The following HSPB1 variants were observed in gnomAD, a reference collection of about 807,000 sequenced individuals.
HSPB1 encodes heat shock protein beta-1.
Under a neutral mutation model 17.0 loss-of-function variants are expected in HSPB1, and 19 were observed. The observed-to-expected ratio is 1.12, with a 90% CI of 0.78 to 1.64. The LOEUF is 1.64. Ranked by LOEUF, HSPB1 falls within the 40% of genes most tolerant of loss-of-function variation. The pLI is 0.00. For missense variants in HSPB1, 348 were observed against 289.2 expected (o/e 1.20, Z -1.47); for synonymous variants, 165 against 129.8 (o/e 1.27, Z -1.84).
chr7:76,303,976 A>G lies in HSPB1; in HGVS notation c.429-8A>G. The G allele has an allele frequency of 6.2e-7, 1 of 1,613,540 alleles. No individual in the cohort carries two copies. Among genetic ancestry groups the G allele is most frequent in the Non-Finnish European group, 8.5e-7 (1 of 1,179,942 alleles). ...TGTAACGCTTGCCTTTCCTCTCTGC[A>G]CGTCCAGGCTGCCCCCCGGTGTGGA... On this transcript the variant is annotated splice_region_variant and splice_polypyrimidine_tract_variant and intron_variant, in intron 2 of 2. Transcript: ENST00000248553.
Position 76,302,914 on chromosome 7 carries a change from G to A in HSPB1, c.202G>A (p.Val68Met), listed in dbSNP as rs757158514. 1.9e-6 allele frequency: 3 copies of A among 1,545,538 alleles called. No homozygotes were observed. The highest frequency in any genetic ancestry group is 1.4e-5 in the African/African-American group (1 of 73,402). ...CCCCGCCGCCATCGAGAGCCCCGCA[G>A]TGGCCGCGCCCGCCTACAGCCGCGC... Reference protein sequence around the residue: ...LPPAAIESPAVAAPAYSRALS... With the variant: ...LPPAAIESPAMAAPAYSRALS... The change falls in exon 1 of 3, where the codon GTG becomes ATG. Residue 68 changes from valine (V) to methionine (M), a missense_variant. Val to Met is a conservative substitution (Grantham distance 21). Coordinates refer to ENST00000248553, the MANE Select transcript of HSPB1 (RefSeq NM_001540.5).
intron 2 of HSPB1, 36 bp downstream of exon 2, chr7:76,303,901 C>A: frequency 1.7e-6 from 1 of 573,808 alleles, no homozygotes; most frequent in Non-Finnish European, 3.3e-6. Context: ...GGGTGGGTGG[C>A]GTGGGGGTGG....
rs1803014417 is a variant in HSPB1, at chr7:76,302,764, C to A, written c.52C>A (p.Pro18Thr). The A allele has an allele frequency of 6.2e-7, 1 of 1,607,604 alleles. No individual in the cohort carries two copies. The highest frequency in any genetic ancestry group is 8.5e-7 in the Non-Finnish European group (1 of 1,179,662). Residue 18 changes from proline to threonine, a missense_variant, in exon 1 of 3, where the codon CCC becomes ACC. By Grantham distance (38) the Pro-to-Thr change is conservative. Transcript: ENST00000248553. ...FSLLRGPSWDPFRDWYPHSRL... is the reference protein window; with the variant it reads ...FSLLRGPSWDTFRDWYPHSRL... ...GCTCCTGCGGGGCCCCAGCTGGGAC[C>A]CCTTCCGCGACTGGTACCCGCATAG...
At chr7:76,303,668 TCCCCAA>T in intron 1 of HSPB1, 128 bp from the exon 2 acceptor site, 2 of 680,536 alleles carry the variant, frequency 2.9e-6, no homozygotes, top group South Asian at 3.4e-5. Flanking sequence ...CACGCCCCCA[TCCCCAA>T]CCCCCTCTGT....
chr7:76,303,330 C>T, intron 1 of HSPB1: 1 of 538,500 alleles, frequency 1.9e-6, no homozygotes, highest in Non-Finnish European at 3.3e-6. Flanking sequence ...GAGTTCAAGA[C>T]TAGCCTGGGC....
Position 76,304,216 on chromosome 7 carries a change from T to C in HSPB1, c.*43T>C. ...CCACCCCTGCTGCCGCCACTGGCTGTGCCTCCCCCGCCACCTGTGTGTTCT... is the reference window on the plus strand; with the variant it reads ...CCACCCCTGCTGCCGCCACTGGCTGCGCCTCCCCCGCCACCTGTGTGTTCT... On this transcript the variant is annotated 3_prime_UTR_variant, in exon 3 of 3. Transcript: ENST00000248553. 2 of 1,540,772 alleles carry C rather than the reference T, an allele frequency of 1.3e-6. No individual in the cohort carries two copies. Among genetic ancestry groups the C allele is most frequent in the African/African-American group, 1.4e-5 (1 of 73,086 alleles).
chr7:76,303,744 A>G, intron 1 of HSPB1, 58 bp from the exon 2 acceptor site: 3 of 1,507,074 alleles, frequency 2.0e-6, no homozygotes, highest in Non-Finnish European at 2.8e-6. Context: ...CCTCTGGCCT[A>G]GCGGGGCCGA....
Position 76,302,892 on chromosome 7 carries a change from C to T in HSPB1, c.180C>T (p.Pro60=), listed in dbSNP as rs774535175. Reference sequence around the variant, plus strand: ...CAGGCTACGTGCGCCCCCTGCCCCCCGCCGCCATCGAGAGCCCCGCAGTGG... The same window carrying T: ...CAGGCTACGTGCGCCCCCTGCCCCCTGCCGCCATCGAGAGCCCCGCAGTGG... ...SWPGYVRPLP[P]AAIESPAVAA... is the part of the protein sequence containing the mutation. The change falls in exon 1 of 3, where the codon CCC becomes CCT. Residue 60 remains proline, a synonymous_variant. Transcript: ENST00000248553. The T allele has an allele frequency of 5.1e-6, 8 of 1,557,036 alleles. 1 individual carries two copies. The Admixed American group carries it at 7.5e-5, about 15-fold the overall frequency.
chr7:76,302,886 G>C lies in HSPB1; in HGVS notation c.174G>C (p.Leu58=), dbSNP rs892258745. The C allele has an allele frequency of 9.6e-6, 15 of 1,559,208 alleles. No individual in the cohort carries two copies. In the African/African-American group the frequency reaches 1.9e-4, roughly 20 times the overall value. ...GSSWPGYVRP[L]PPAAIESPAV... is the part of the protein sequence containing the mutation. The stretch of plus-strand genomic sequence containing the variant: ...GCTGGCCAGGCTACGTGCGCCCCCT[G>C]CCCCCCGCCGCCATCGAGAGCCCCG... Residue 58 remains leucine, a synonymous_variant, in exon 1 of 3, where the codon CTG becomes CTC. Coordinates refer to ENST00000248553, the MANE Select transcript of HSPB1 (RefSeq NM_001540.5).
At chr7:76,303,470 A>T in intron 1 of HSPB1, 1 of 529,456 alleles carries the variant, frequency 1.9e-6, no homozygotes, top group Non-Finnish European at 3.4e-6. Context: ...TCCCACCCAC[A>T]GCCCCATCCC....
intron 1 of HSPB1, 148 bp downstream of exon 1, chr7:76,303,224 T>G (rs1803036684): frequency 2.0e-6 from 2 of 995,776 alleles, no homozygotes; most frequent in Non-Finnish European, 2.9e-6. Flanking sequence ...ATTCCCTTGC[T>G]CAGGAATTGG....
At position 76,302,801 on chromosome 7, in the gene HSPB1, AC is replaced by A; in HGVS notation, c.91del (p.Gln31ArgfsTer16). 6.2e-7 allele frequency: 1 copy of A among 1,608,534 alleles called. No individual in the cohort carries two copies. Among genetic ancestry groups the A allele is most frequent in the Non-Finnish European group, 8.5e-7 (1 of 1,179,350 alleles). On this transcript the variant is annotated frameshift_variant, in exon 1 of 3. Coordinates refer to ENST00000248553, the MANE Select transcript of HSPB1 (RefSeq NM_001540.5). LOFTEE classifies it high-confidence loss of function. ...RDWYPHSRLF[D>X]QAFGLPRLPE... is the part of the protein sequence containing the mutation. ...TGGTACCCGCATAGCCGCCTCTTCG[AC>A]CAGGCCTTCGGGCTGCCCCGGCTGC... is the stretch of plus-strand genomic sequence containing the variant.
chr7:76,303,801 G>A lies in HSPB1; in HGVS notation c.365-1G>A, dbSNP rs1803058054. Reference sequence around the variant, plus strand: ...GTCTGATTTCCCTCTTCCCCCCAAAGGCAAGCACGAGGAGCGGCAGGACGA... The same window carrying A: ...GTCTGATTTCCCTCTTCCCCCCAAAAGCAAGCACGAGGAGCGGCAGGACGA... On this transcript the variant is annotated splice_acceptor_variant, in intron 1 of 2. Transcript: ENST00000248553. LOFTEE classifies it high-confidence loss of function. 3.7e-6 allele frequency: 6 copies of A among 1,610,624 alleles called. No homozygotes were observed. The South Asian group carries it at 5.5e-5, about 15-fold the overall frequency.
chr7:76,303,217 C>T lies in HSPB1; in HGVS notation c.364+141C>T, dbSNP rs752365172. 12 of 1,037,248 alleles carry T rather than the reference C, an allele frequency of 1.2e-5. No individual in the cohort carries two copies. In the South Asian group the frequency reaches 1.5e-4, roughly 13 times the overall value. 64.3% of individuals were successfully genotyped at this position (1,037,248 alleles called of 1,614,324 possible). A position where few individuals can be genotyped will look rare whatever the true frequency, so the allele number is the denominator to read the frequency against. On this transcript the variant is annotated intron_variant, in intron 1 of 2. Coordinates refer to ENST00000248553, the MANE Select transcript of HSPB1 (RefSeq NM_001540.5). Reference sequence around the variant, plus strand: ...ACCGGGAAAAACAGGACTCCTGATTCCCTTGCTCAGGAATTGGGAGTGCGG... The same window carrying T: ...ACCGGGAAAAACAGGACTCCTGATTTCCTTGCTCAGGAATTGGGAGTGCGG...
At chr7:76,303,268 C>A in intron 1 of HSPB1, 192 bp downstream of exon 1, 1 of 649,688 alleles carries the variant, frequency 1.5e-6, no homozygotes, top group South Asian at 2.1e-5. Context: ...GCTTTCTGCT[C>A]TGTAATCCCA....
Position 76,302,700 on chromosome 7 carries a change from A to T in HSPB1, c.-13A>T. 1 of 1,599,568 alleles carries T rather than the reference A, an allele frequency of 6.3e-7. No individual in the cohort carries two copies. Among genetic ancestry groups the T allele is most frequent in the Non-Finnish European group, 8.5e-7 (1 of 1,179,826 alleles). On this transcript the variant is annotated 5_prime_UTR_variant, in exon 1 of 3. Transcript: ENST00000248553. ...ACTTTTCTGAGCAGACGTCCAGAGC[A>T]GAGTCAGCCAGCATGACCGAGCGCC...
At position 76,304,211 on chromosome 7, in the gene HSPB1, G is replaced by C. The variant is rs1180498837; in HGVS notation, c.*38G>C. On this transcript the variant is annotated 3_prime_UTR_variant, in exon 3 of 3. Coordinates refer to ENST00000248553, the MANE Select transcript of HSPB1 (RefSeq NM_001540.5). Reference sequence around the variant, plus strand: ...GATGCCCACCCCTGCTGCCGCCACTGGCTGTGCCTCCCCCGCCACCTGTGT... The same window carrying C: ...GATGCCCACCCCTGCTGCCGCCACTCGCTGTGCCTCCCCCGCCACCTGTGT... The C allele has an allele frequency of 1.3e-6, 2 of 1,562,324 alleles. No homozygotes were observed. The highest frequency in any genetic ancestry group is 1.7e-6 in the Non-Finnish European group (2 of 1,142,862).
Position 76,303,788 on chromosome 7 carries a change from T to C in HSPB1, c.365-14T>C, listed in dbSNP as rs759159152. The C allele has an allele frequency of 6.2e-7, 1 of 1,609,722 alleles. No homozygotes were observed. The highest frequency in any genetic ancestry group is 2.2e-5 in the East Asian group (1 of 44,826). ...CCCCTCCCCCGCAGTCTGATTTCCCTCTTCCCCCCAAAGGCAAGCACGAGG... is the reference window on the plus strand; with the variant it reads ...CCCCTCCCCCGCAGTCTGATTTCCCCCTTCCCCCCAAAGGCAAGCACGAGG... On this transcript the variant is annotated splice_polypyrimidine_tract_variant and intron_variant, in intron 1 of 2. Coordinates refer to ENST00000248553, the MANE Select transcript of HSPB1 (RefSeq NM_001540.5).
chr7:76,303,824 C>T lies in HSPB1; in HGVS notation c.387C>T (p.Asp129=), dbSNP rs760103325. 1.9e-6 allele frequency: 3 copies of T among 1,608,966 alleles called. No individual in the cohort carries two copies. Among genetic ancestry groups the T allele is most frequent in the East Asian group, 2.2e-5 (1 of 44,722 alleles). The change falls in exon 2 of 3, where the codon GAC becomes GAT. Residue 129 remains aspartate (D), a synonymous_variant. Coordinates refer to ENST00000248553, the MANE Select transcript of HSPB1 (RefSeq NM_001540.5). ...AAGGCAAGCACGAGGAGCGGCAGGA[C>T]GAGCATGGCTACATCTCCCGGTGCT... ...EITGKHEERQ[D]EHGYISRCFT...
Sources: gnomAD v4.1 joint callset for allele counts on GRCh38, gnomAD v4.1.1 for gene constraint, MANE v1.5 for transcripts, NCBI Gene and HGNC (gene_info 2026-07-23, HGNC 2026-07-21) for gene names.